Variants in MED24 observed in about 807,000 individuals in gnomAD.
The protein encoded by MED24 is mediator of RNA polymerase II transcription subunit 24.
Under a neutral mutation model 118.8 loss-of-function variants are expected in MED24, and 74 were observed. The observed-to-expected ratio is 0.62, with a 90% confidence interval of 0.52 to 0.76. The LOEUF is 0.76. MED24 is among the 30% of genes least tolerant of loss of function. The pLI is 0.00. For synonymous variants in MED24, 521 were observed against 523.9 expected (o/e 0.99, Z 0.08); for missense variants, 1,041 against 1,278.9 (o/e 0.81, Z 2.84).
intron 3 of MED24, among the ~76,000 whole-genome samples, chr17:40,039,999 G>A (rs1984381672): frequency 1.3e-5 from 2 of 151,660 alleles, no homozygotes; most frequent in Admixed American, 1.3e-4. Context: ...TAGCCAGGAT[G>A]GTCACGATCT....
At chr17:40,021,096 C>CAAAA (rs1182863556) in intron 23 of MED24, 1 of 152,314 alleles carries the variant, frequency 6.6e-6, no homozygotes. Context: ...AACAAACAAA[C>CAAAA]AAAAAACAAA....
intron 23 of MED24, chr17:40,021,505 G>C (rs1240748955): frequency 1.3e-5 from 2 of 154,394 alleles, no homozygotes; most frequent in African/African-American, 4.8e-5. Flanking sequence ...TGGTTGGTGG[G>C]GGGTGTGCTC....
chr17:40,036,016 G>T, intron 4 of MED24, 100 bp downstream of exon 4: 2 of 1,363,248 alleles, frequency 1.5e-6, no homozygotes, highest in Non-Finnish European at 2.1e-6. Flanking sequence ...GGCATCATGT[G>T]CTGCCTATCC....
intron 19 of MED24, among the ~76,000 whole-genome samples, chr17:40,024,219 A>G (rs141235361): frequency 6.6e-6 from 1 of 152,234 alleles, no homozygotes; most frequent in East Asian, 1.9e-4. Context: ...ATTCAGCTCA[A>G]TGCTTCCCCT....
intron 18 of MED24, 97 bp downstream of exon 18, chr17:40,026,550 G>T: frequency 8.0e-7 from 1 of 1,256,100 alleles, no homozygotes; most frequent in South Asian, 1.3e-5. Context: ...ATGAGCTCCT[G>T]GATTAAAGGT....
chr17:40,034,525 T>G lies in MED24; in HGVS notation c.559+592A>C, dbSNP rs762510936. 2.6e-5 allele frequency among the ~76,000 whole-genome samples: 4 copies of G among 152,216 alleles called. No homozygotes were observed. The South Asian group carries it at 6.2e-4, about 24-fold the overall frequency. Reference sequence around the variant, plus strand: ...CTTAGGACCCCATTGCTGGAAATACTGGCATCTTCCCTCCCGCCAGGTGAT... The same window carrying G: ...CTTAGGACCCCATTGCTGGAAATACGGGCATCTTCCCTCCCGCCAGGTGAT... On this transcript the variant is annotated intron_variant, in intron 6 of 25. Transcript: ENST00000394128.
At chr17:40,029,719 C>A in intron 13 of MED24, 29 bp downstream of exon 13, 3 of 1,588,524 alleles carry the variant, frequency 1.9e-6, no homozygotes, top group Non-Finnish European at 2.6e-6. Context: ...AAAGAGAAGA[C>A]TGTGGTGGCC....
At chr17:40,045,643 G>T (rs919058169) in intron 3 of MED24, among the ~76,000 whole-genome samples, 2 of 151,980 alleles carry the variant, frequency 1.3e-5, no homozygotes, top group Non-Finnish European at 2.9e-5. Flanking sequence ...AAATTGGCCG[G>T]GTGTTTTGGT....
rs374086990 is a variant in MED24 at position 40,019,890 on chromosome 17, G to A, written c.2748C>T (p.Thr916=). The A allele has an allele frequency of 2.5e-5, 40 of 1,578,244 alleles. No individual in the cohort carries two copies. The highest frequency in any genetic ancestry group is 2.0e-4 in the South Asian group (17 of 86,614). Residue 916 remains threonine, a synonymous_variant, in exon 25 of 26, where the codon ACC becomes ACT. Transcript: ENST00000394128. ...LLISSILGSR[T]AGPHTQFVQW... Reference sequence around the variant, plus strand: ...GCACGAACTGGGTGTGGGGGCCAGCGGTGCGAGACCCCAGGATGGAGGAGA... The same window carrying A: ...GCACGAACTGGGTGTGGGGGCCAGCAGTGCGAGACCCCAGGATGGAGGAGA...
At chr17:40,020,466 A>C in intron 23 of MED24, 113 bp from the exon 24 acceptor site, 1 of 1,542,880 alleles carries the variant, frequency 6.5e-7, no homozygotes. Flanking sequence ...TGGTACATGG[A>C]GAGCCCAGAG....
At position 40,026,922 on chromosome 17, in the gene MED24, C is replaced by T. The variant is rs138072890; in HGVS notation, c.1643G>A (p.Arg548His). 5.0e-6 allele frequency: 8 copies of T among 1,613,930 alleles called. No individual in the cohort carries two copies. The highest frequency in any genetic ancestry group is 4.0e-5 in the African/African-American group (3 of 74,896). The change falls in exon 17 of 26, where the codon CGC becomes CAC. Residue 548 changes from arginine (R) to histidine (H), a missense_variant. Arg to His is a conservative substitution (Grantham distance 29, BLOSUM62 0). Coordinates refer to ENST00000394128, the MANE Select transcript of MED24 (RefSeq NM_014815.4). ...KILNPDHPCF[R>H]PDSTKVESLV... ...GGACTCCACTTTGGTGGAGTCGGGG[C>T]GGAAGCAGGGGTGGTCAGGGTTCAG... is the stretch of plus-strand genomic sequence containing the variant.
Position 40,022,673 on chromosome 17 carries a change from T to C in MED24, c.2404A>G (p.Met802Val), listed in dbSNP as rs890280068. The change falls in exon 21 of 26, where the codon ATG becomes GTG. Residue 802 changes from methionine (M) to valine (V), a missense_variant. Met to Val is a conservative substitution (Grantham distance 21). Coordinates refer to ENST00000394128, the MANE Select transcript of MED24 (RefSeq NM_014815.4). ...GCAAGAGCAGTGCCCGGGGGGTCCA[T>C]GAGGCTGTGCCACTTGGAGGAGTCA... ...LTDSSKWHSL[M>V]DPPGTALAKL... 4 of 1,613,674 alleles carry C rather than the reference T, an allele frequency of 2.5e-6. No individual in the cohort carries two copies. Among genetic ancestry groups the C allele is most frequent in the South Asian group, 2.2e-5 (2 of 91,054 alleles).
Position 40,033,529 on chromosome 17 carries a change from G to A in MED24, c.560-73C>T, listed in dbSNP as rs184753673. On this transcript the variant is annotated intron_variant, in intron 6 of 25. Coordinates refer to ENST00000394128, the MANE Select transcript of MED24 (RefSeq NM_014815.4). The surrounding 1 kb of genome is among the most constrained non-coding windows in gnomAD (Gnocchi z 5.2). The stretch of plus-strand genomic sequence containing the variant: ...AGGAGCACCTGGCCCTGAACTCCTC[G>A]ATTTTGGCACTCCCTCCGGCACACG... The A allele has an allele frequency of 1.9e-4, 247 of 1,305,104 alleles. 1 individual carries two copies. The highest frequency in any genetic ancestry group is 5.8e-5 in the Non-Finnish European group (54 of 928,162). The allele number at this position is 1,305,104 out of a possible 1,614,324, so 80.8% of individuals were successfully genotyped here.
rs541854397 is a variant in MED24, at chr17:40,027,640, A to C, written c.1448-175T>G. 4.4e-6 allele frequency: 3 copies of C among 688,390 alleles called. No individual in the cohort carries two copies. In the South Asian group the frequency reaches 5.7e-5, roughly 13 times the overall value. 42.6% of individuals were successfully genotyped at this position (688,390 alleles called of 1,614,324 possible). A position where few individuals can be genotyped will look rare whatever the true frequency, so the allele number is the denominator to read the frequency against. ...CAACTGGAACATCATCCCTTCCTTGAGACCAAAGACCCCCAGCACCCTCTC... is the reference window on the plus strand; with the variant it reads ...CAACTGGAACATCATCCCTTCCTTGCGACCAAAGACCCCCAGCACCCTCTC... On this transcript the variant is annotated intron_variant, in intron 15 of 25. Coordinates refer to ENST00000394128, the MANE Select transcript of MED24 (RefSeq NM_014815.4).
chr17:40,036,909 C>A (rs1419089599), intron 3 of MED24, among the ~76,000 whole-genome samples: 2 of 151,936 alleles, frequency 1.3e-5, no homozygotes, highest in Admixed American at 1.3e-4. Flanking sequence ...AGTGGCTGGG[C>A]GTGGTGGCTC....
At chr17:40,048,293 T>A (rs1049616721) in intron 3 of MED24, among the ~76,000 whole-genome samples, 1 of 152,030 alleles carries the variant, frequency 6.6e-6, no homozygotes, top group African/African-American at 2.4e-5. Flanking sequence ...TTTCAGGGGG[T>A]CTAGGAAGTC....
Position 40,031,543 on chromosome 17 carries a change from G to C in MED24, c.1062C>G (p.Arg354=). 6.2e-7 allele frequency: 1 copy of C among 1,613,890 alleles called. No individual in the cohort carries two copies. Among genetic ancestry groups the C allele is most frequent in the South Asian group, 1.1e-5 (1 of 91,078 alleles). ...LTPLLDKADQ[R]CNCDCTNFLL... ...GTGACCAGGGGAGCTCATACTTGCA[G>C]CGCTGGTCAGCTTTGTCCAACAAGG... The change falls in exon 11 of 26, where the codon CGC becomes CGG. Residue 354 remains arginine (R), a synonymous_variant. Coordinates refer to ENST00000394128, the MANE Select transcript of MED24 (RefSeq NM_014815.4).
chr17:40,031,132 G>C (rs756525775), intron 12 of MED24, 27 bp downstream of exon 12: 1 of 1,548,828 alleles, frequency 6.5e-7, no homozygotes, highest in Admixed American at 2.0e-5. Flanking sequence ...GGGGCTCTTG[G>C]GGTAGCACAG....
chr17:40,051,996 A>G (rs1388378112), intron 3 of MED24, among the ~76,000 whole-genome samples: 1 of 151,664 alleles, frequency 6.6e-6, no homozygotes, highest in African/African-American at 2.4e-5. Context: ...TTCTGAGCAC[A>G]TTTACGGTAG....
Sources: gnomAD v4.1 joint callset for allele counts (sites outside exome capture counted in the v4.1 genomes callset) on GRCh38, gnomAD v4.1.1 for gene constraint, Gnocchi (gnomAD v3.1) non-coding constraint, MANE v1.5 for transcripts, NCBI Gene and HGNC (gene_info 2026-07-23, HGNC 2026-07-21) for gene names.